CSMD1: variants seen among roughly 807,000 people sequenced by gnomAD.
CSMD1 encodes CUB and sushi domain-containing protein 1.
In CSMD1, 213 loss-of-function variants were observed where a neutral mutation model predicts 417.5. The observed-to-expected ratio is 0.51, with a 90% CI of 0.46 to 0.57. The LOEUF is 0.57. Ranked by LOEUF, CSMD1 falls within the 20% of genes least tolerant of loss-of-function variation. The probability of loss-of-function intolerance (pLI) is 0.00; values close to 1 mark genes in which losing one functional copy is unlikely to be tolerated. For synonymous variants in CSMD1, 2,862 were observed against 1,736.8 expected (o/e 1.65, Z -16.11); for missense variants, 6,923 against 4,529.7 (o/e 1.53, Z -15.17).
chr8:4,490,828 G>A (rs773197565), intron 2 of CSMD1, among the ~76,000 whole-genome samples: 26 of 152,140 alleles, frequency 1.7e-4, no homozygotes, highest in Non-Finnish European at 8.8e-5. Flanking sequence ...AAATAAAGTC[G>A]GAAACACATT....
At chr8:4,027,967 G>A (rs1003050311) in intron 4 of CSMD1, among the ~76,000 whole-genome samples, 3 of 152,148 alleles carry the variant, frequency 2.0e-5, no homozygotes, top group Admixed American at 6.5e-5. Context: ...TATTTAGGAT[G>A]CCCAATGGCA....
intron 1 of CSMD1, among the ~76,000 whole-genome samples, chr8:4,795,028 G>T (rs374650645): frequency 5.4e-4 from 82 of 151,880 alleles, no homozygotes; most frequent in African/African-American, 1.8e-3. Flanking sequence ...AGAAAGATGT[G>T]GGGGGTGGGT....
intron 38 of CSMD1, among the ~76,000 whole-genome samples, 155 bp from the exon 39 acceptor site, chr8:3,158,121 T>C (rs1819648844): frequency 6.6e-6 from 1 of 152,238 alleles, no homozygotes; most frequent in Non-Finnish European, 1.5e-5. Context: ...TAATGATTAT[T>C]AGTGAGTCAC....
intron 5 of CSMD1, among the ~76,000 whole-genome samples, chr8:3,783,834 T>C (rs1799308091): frequency 6.6e-6 from 1 of 152,154 alleles, no homozygotes; most frequent in Non-Finnish European, 1.5e-5. Flanking sequence ...CACTTACCAA[T>C]TAATATTGAT....
intron 25 of CSMD1, among the ~76,000 whole-genome samples, chr8:3,293,409 C>G (rs1330430273): frequency 6.6e-6 from 1 of 152,152 alleles, no homozygotes; most frequent in Non-Finnish European, 1.5e-5. Flanking sequence ...TGGTTAATAT[C>G]CTGCAGAGTG....
intron 1 of CSMD1, among the ~76,000 whole-genome samples, chr8:4,985,007 G>A (rs962931203): frequency 5.9e-5 from 9 of 152,236 alleles, no homozygotes; most frequent in African/African-American, 1.7e-4. Context: ...AAAATGTGAT[G>A]TAGCCATGGA....
intron 7 of CSMD1, among the ~76,000 whole-genome samples, chr8:3,629,372 G>A (rs958852677): frequency 2.0e-5 from 3 of 152,128 alleles, no homozygotes; most frequent in African/African-American, 2.4e-5. Flanking sequence ...TTATTTATAT[G>A]TGTATTTAGT....
intron 40 of CSMD1, among the ~76,000 whole-genome samples, chr8:3,147,954 C>T (rs1311556627): frequency 1.3e-5 from 2 of 152,180 alleles, no homozygotes; most frequent in Non-Finnish European, 2.9e-5. Context: ...TCTGGCTATT[C>T]TTTTGCAACC....
chr8:3,636,040 T>G (rs909707531), intron 7 of CSMD1, among the ~76,000 whole-genome samples: 6 of 151,866 alleles, frequency 4.0e-5, no homozygotes, highest in South Asian at 2.1e-4. Context: ...TTTTCAGTCT[T>G]AATATCCTTA....
chr8:3,507,343 T>A (rs1796870637), intron 10 of CSMD1, among the ~76,000 whole-genome samples: 1 of 152,214 alleles, frequency 6.6e-6, no homozygotes, highest in African/African-American at 2.4e-5. Context: ...CTCATCATTT[T>A]TTATGGCAGC....
chr8:4,769,471 T>C (rs923998502), intron 1 of CSMD1, among the ~76,000 whole-genome samples: 2 of 152,214 alleles, frequency 1.3e-5, no homozygotes, highest in Non-Finnish European at 2.9e-5. Flanking sequence ...TGAAGATAAA[T>C]ACCTATGTAT....
intron 9 of CSMD1, among the ~76,000 whole-genome samples, chr8:3,581,826 T>C (rs1227686223): frequency 6.6e-6 from 1 of 152,044 alleles, no homozygotes; most frequent in African/African-American, 2.4e-5. Context: ...GTTTTTGAGA[T>C]GAAGTTTTGC....
At chr8:4,513,295 G>A (rs998493924) in intron 2 of CSMD1, among the ~76,000 whole-genome samples, 1 of 152,070 alleles carries the variant, frequency 6.6e-6, no homozygotes, top group Non-Finnish European at 1.5e-5. Context: ...TAATTTGGCT[G>A]TGCACCTAAA....
rs113017132 is a variant in CSMD1, at chr8:2,968,091, C to G, written c.8924-1345G>C. ...GGATGTATTTACCAATCCAGAAGCACATACTATTTAAGGCTCTCTAAAACT... is the reference window on the plus strand; with the variant it reads ...GGATGTATTTACCAATCCAGAAGCAGATACTATTTAAGGCTCTCTAAAACT... On this transcript the variant is annotated intron_variant, in intron 57 of 69. Coordinates refer to ENST00000635120, the MANE Select transcript of CSMD1 (RefSeq NM_033225.6). 2.1e-3 allele frequency among the ~76,000 whole-genome samples: 324 copies of G among 152,274 alleles called. 1 individual carries two copies. Among genetic ancestry groups the G allele is most frequent in the African/African-American group, 7.5e-3 (312 of 41,552 alleles).
chr8:3,741,043 C>T (rs1056741921), intron 6 of CSMD1, among the ~76,000 whole-genome samples: 25 of 151,684 alleles, frequency 1.6e-4, no homozygotes, highest in South Asian at 2.1e-4. Flanking sequence ...GGTCAAACTC[C>T]GTCTCTACTA....
At chr8:3,567,965 G>A (rs1024813918) in intron 10 of CSMD1, among the ~76,000 whole-genome samples, 1 of 152,192 alleles carries the variant, frequency 6.6e-6, no homozygotes, top group Non-Finnish European at 1.5e-5. Flanking sequence ...ACCAATGACT[G>A]TGCAGGCATC....
chr8:4,129,534 T>C (rs1802969934), intron 3 of CSMD1, among the ~76,000 whole-genome samples: 1 of 152,156 alleles, frequency 6.6e-6, no homozygotes, highest in South Asian at 2.1e-4. Context: ...GGAATCCGAT[T>C]TTGAGATTGG....
intron 3 of CSMD1, among the ~76,000 whole-genome samples, chr8:4,119,666 G>C (rs948962215): frequency 6.6e-6 from 1 of 152,180 alleles, no homozygotes; most frequent in African/African-American, 2.4e-5. Flanking sequence ...GCACACACTT[G>C]CAAGCCAGGA....
chr8:4,035,829 T>C (rs1425446726), intron 3 of CSMD1, among the ~76,000 whole-genome samples: 1 of 152,186 alleles, frequency 6.6e-6, no homozygotes, highest in Non-Finnish European at 1.5e-5. Flanking sequence ...TAGTGTACTC[T>C]AAGTGTACAG....
Sources: allele counts gnomAD v4.1 joint callset (sites outside exome capture counted in the v4.1 genomes callset), GRCh38; gene constraint gnomAD v4.1.1; transcripts MANE v1.5; gene names NCBI Gene and HGNC (gene_info 2026-07-23, HGNC 2026-07-21).